The following TBC1D24 variants were observed in gnomAD, a reference collection of about 807,000 sequenced individuals.
The protein encoded by TBC1D24 is TBC1 domain family member 24.
TBC1D24 carries 47 observed loss-of-function variants against 50.7 expected under a neutral mutation model. The ratio of observed to expected loss-of-function variants is 0.93; its 90% CI spans 0.73 to 1.18. The LOEUF (loss-of-function observed/expected upper bound fraction) is 1.18, where lower values mean the gene tolerates loss of function less well. TBC1D24 is among the 50% of genes most tolerant of loss of function. The probability of loss-of-function intolerance (pLI) is 0.00; values close to 1 mark genes in which losing one functional copy is unlikely to be tolerated. For missense variants in TBC1D24, 688 were observed against 766.5 expected, an observed-to-expected ratio of 0.90 and a Z score of 1.21; for synonymous variants, 324 against 335.2, an observed-to-expected ratio of 0.97 and a Z score of 0.36.
At position 2,498,230 on chromosome 16, in the gene TBC1D24, C is replaced by T. The variant is rs1343443677; in HGVS notation, c.984-8C>T. 3.7e-6 allele frequency: 6 copies of T among 1,602,258 alleles called. No homozygotes were observed. The highest frequency in any genetic ancestry group is 4.3e-6 in the Non-Finnish European group (5 of 1,174,018). ...CTTCGGGCTCTGACCCCTGCTCGCT[C>T]CCCTCAGGCAGTTTGTACACTTGGC... is the stretch of plus-strand genomic sequence containing the variant. On this transcript the variant is annotated splice_region_variant and splice_polypyrimidine_tract_variant and intron_variant, in intron 3 of 7. Transcript: ENST00000646147.
chr16:2,489,468 G>A (rs1227647748), intron 1 of TBC1D24, among the ~76,000 whole-genome samples: 2 of 152,122 alleles, frequency 1.3e-5, no homozygotes, highest in Non-Finnish European at 2.9e-5. Context: ...AAATAAACGA[G>A]CGAACAAATG....
At chr16:2,491,622 T>G (rs1299761728) in intron 1 of TBC1D24, among the ~76,000 whole-genome samples, 1 of 151,724 alleles carries the variant, frequency 6.6e-6, no homozygotes, top group East Asian at 1.9e-4. Flanking sequence ...TGGCTCCATC[T>G]TGGCTCACTG....
chr16:2,493,814 A>G (rs895159176), intron 1 of TBC1D24: 7 of 151,896 alleles, frequency 4.6e-5, no homozygotes, highest in Admixed American at 4.6e-4. Flanking sequence ...CGTCTTACCC[A>G]CTCCTTTTAT....
intron 1 of TBC1D24, among the ~76,000 whole-genome samples, chr16:2,490,932 C>G (rs906811717): frequency 2.6e-5 from 4 of 152,028 alleles, no homozygotes; most frequent in African/African-American, 9.7e-5. Context: ...GGAGCAGGTG[C>G]GGCTTATGAT....
Position 2,499,120 on chromosome 16 carries a change from A to G in TBC1D24, c.1143-237A>G, listed in dbSNP as rs747900699. Among the ~76,000 whole-genome samples the G allele has an allele frequency of 3.3e-5, 5 of 152,026 alleles. No individual in the cohort carries two copies. Among genetic ancestry groups the G allele is most frequent in the Non-Finnish European group, 5.9e-5 (4 of 67,978 alleles). The stretch of plus-strand genomic sequence containing the variant: ...CCCAGCCCCTGGCGCTTGGCTCTGC[A>G]CTGGGGCCTTCCACTGCAAGGCCTC... On this transcript the variant is annotated intron_variant, in intron 4 of 7. Transcript: ENST00000646147. The surrounding 1 kb of genome is among the most constrained non-coding windows in gnomAD (Gnocchi z 4.0).
At position 2,500,632 on chromosome 16, in the gene TBC1D24, G is replaced by A. The variant is rs2065785163; in HGVS notation, c.1525+142G>A. Reference sequence around the variant, plus strand: ...GACCAGGCATGATGGGTGGGAGGGGGCTGGAAGGGAGAGACCAGCCTGGAC... The same window carrying A: ...GACCAGGCATGATGGGTGGGAGGGGACTGGAAGGGAGAGACCAGCCTGGAC... On this transcript the variant is annotated intron_variant, in intron 7 of 7. Transcript: ENST00000646147. The surrounding 1 kb of genome is among the most constrained non-coding windows in gnomAD (Gnocchi z 8.0). The A allele has an allele frequency of 1.6e-6, 2 of 1,288,448 alleles. No individual in the cohort carries two copies. The allele number at this position is 1,288,448 out of a possible 1,614,324, so 79.8% of individuals were successfully genotyped here.
intron 1 of TBC1D24, among the ~76,000 whole-genome samples, chr16:2,489,947 TGTGTCCGTGCTGCCCTCTGC>T (rs1196008526): frequency 6.6e-6 from 1 of 152,184 alleles, no homozygotes; most frequent in Non-Finnish European, 1.5e-5. Context: ...GGCTTGTGGG[TGTGTCCGTGCTGCCCTCTGC>T]GCCCTGTAGC....
At position 2,496,986 on chromosome 16, in the gene TBC1D24, G is replaced by A. The variant is rs867618745; in HGVS notation, c.838G>A (p.Val280Met). ...GTTCGTCAGAGACATCGCGAAGACG[G>A]TGTCCCCTGAGAAGCTGCTGGAGAA... is the stretch of plus-strand genomic sequence containing the variant. ...RTFVRDIAKT[V>M]SPEKLLEKAF... Residue 280 changes from valine to methionine, a missense_variant, in exon 2 of 8, where the codon GTG becomes ATG. Val to Met is a conservative substitution (Grantham distance 21, BLOSUM62 1). Coordinates refer to ENST00000646147, the MANE Select transcript of TBC1D24 (RefSeq NM_001199107.2). 4.3e-6 allele frequency: 7 copies of A among 1,613,966 alleles called. No individual in the cohort carries two copies. Among genetic ancestry groups the A allele is most frequent in the Middle Eastern group, 3.3e-4 (2 of 6,062 alleles).
rs753105655 is a variant in TBC1D24 at position 2,498,251 on chromosome 16, T to G, written c.997T>G (p.Leu333Val). ...VSLSKRQFVH[L>V]AVHAENFRSE... ...CGCTCCCCTCAGGCAGTTTGTACAC[T>G]TGGCCGTCCATGCAGAGAACTTCCG... Residue 333 changes from leucine to valine, a missense_variant, in exon 4 of 8, where the codon TTG (leucine) becomes GTG (valine). Coordinates refer to ENST00000646147, the MANE Select transcript of TBC1D24 (RefSeq NM_001199107.2). 24 of 1,609,588 alleles carry G rather than the reference T, an allele frequency of 1.5e-5. No homozygotes were observed. The highest frequency in any genetic ancestry group is 2.2e-5 in the East Asian group (1 of 44,770).
rs1272218318 is a variant in TBC1D24 at position 2,503,298 on chromosome 16, G to C, written c.*2340G>C. On this transcript the variant is annotated 3_prime_UTR_variant, in exon 8 of 8. Transcript: ENST00000646147. ...CCTAACTTTTCTACTAACCTAGAAG[G>C]TATGTGTGATTATTATCTTTTTTAT... 1 of 152,076 alleles carries C rather than the reference G, an allele frequency of 6.6e-6. No homozygotes were observed. The highest frequency in any genetic ancestry group is 1.5e-5 in the Non-Finnish European group (1 of 68,016). 9.4% of individuals were successfully genotyped at this position (152,076 alleles called of 1,614,324 possible). A position where few individuals can be genotyped will look rare whatever the true frequency, so the allele number is the denominator to read the frequency against.
Position 2,501,298 on chromosome 16 carries a change from T to C in TBC1D24, c.*340T>C, listed in dbSNP as rs2065792147. 1 of 354,542 alleles carries C rather than the reference T, an allele frequency of 2.8e-6. No homozygotes were observed. The highest frequency in any genetic ancestry group is 2.1e-5 in the African/African-American group (1 of 48,022). 22.0% of individuals were successfully genotyped at this position (354,542 alleles called of 1,614,324 possible). A position where few individuals can be genotyped will look rare whatever the true frequency, so the allele number is the denominator to read the frequency against. On this transcript the variant is annotated 3_prime_UTR_variant, in exon 8 of 8. Transcript: ENST00000646147. ...GGGTCTTGCTGCCCCTGAGCCTCTC[T>C]AGGCAGCCTGAGCCCCTGGGGTGGG...
intron 3 of TBC1D24, among the ~76,000 whole-genome samples, chr16:2,497,993 A>G (rs2065758154): frequency 1.3e-5 from 2 of 152,190 alleles, no homozygotes; most frequent in Admixed American, 1.3e-4. Flanking sequence ...CTGATTTCTT[A>G]GAGAAAAGTT....
chr16:2,481,338 G>A (rs1473950151), intron 1 of TBC1D24: 2 of 152,258 alleles, frequency 1.3e-5, no homozygotes, highest in East Asian at 3.8e-4. Context: ...GAGGCCAGGA[G>A]TTTGAGACCA....
rs764467778 is a variant in TBC1D24 at position 2,498,259 on chromosome 16, C to T, written c.1005C>T (p.Val335=). The part of the protein sequence containing the change: ...LSKRQFVHLA[V]HAENFRSEIV... ...TCAGGCAGTTTGTACACTTGGCCGT[C>T]CATGCAGAGAACTTCCGCTCGGAGA... The change falls in exon 4 of 8, where the codon GTC becomes GTT. Residue 335 remains valine (V), a synonymous_variant. Coordinates refer to ENST00000646147, the MANE Select transcript of TBC1D24 (RefSeq NM_001199107.2). The T allele has an allele frequency of 1.2e-6, 2 of 1,610,870 alleles. No individual in the cohort carries two copies. The highest frequency in any genetic ancestry group is 1.3e-5 in the African/African-American group (1 of 74,856).
chr16:2,481,565 C>T (rs554597808), intron 1 of TBC1D24: 10 of 152,398 alleles, frequency 6.6e-5, no homozygotes, highest in African/African-American at 2.2e-4. Context: ...CAGCTGAGCT[C>T]TCTTCCTCTG....
rs574450745 is a variant in TBC1D24 at position 2,475,298 on chromosome 16, C to T, written c.-116+128C>T. The T allele has an allele frequency of 3.3e-5, 5 of 150,292 alleles. No individual in the cohort carries two copies. Among genetic ancestry groups the T allele is most frequent in the African/African-American group, 1.2e-4 (5 of 41,144 alleles). 9.3% of individuals were successfully genotyped at this position (150,292 alleles called of 1,614,324 possible). A position where few individuals can be genotyped will look rare whatever the true frequency, so the allele number is the denominator to read the frequency against. ...TGGGGGCCGGGCTGCGGGCCCCATT[C>T]GAGGCGGGGATCCCCGGCCACGCGC... is the stretch of plus-strand genomic sequence containing the variant. On this transcript the variant is annotated intron_variant, in intron 1 of 7. Transcript: ENST00000646147. The surrounding 1 kb of genome is among the most constrained non-coding windows in gnomAD (Gnocchi z 4.2).
In TBC1D24 at chr16:2,498,345, G is replaced by T; in HGVS notation, c.1091G>T (p.Cys364Phe). The T allele has an allele frequency of 6.2e-7, 1 of 1,610,142 alleles. No individual in the cohort carries two copies. The highest frequency in any genetic ancestry group is 2.2e-5 in the East Asian group (1 of 44,802). Residue 364 changes from cysteine to phenylalanine, a missense_variant, in exon 4 of 8, where the codon TGC (cysteine) becomes TTC (phenylalanine). Coordinates refer to ENST00000646147, the MANE Select transcript of TBC1D24 (RefSeq NM_001199107.2). ...WSWVPERFAL[C>F]QPLLLFSSLQ... ...TGGGTCCCCGAGCGCTTTGCCCTGT[G>T]CCAGCCCCTTCTGCTGTTCTCCTCC...
intron 3 of TBC1D24, 42 bp from the exon 4 acceptor site, chr16:2,498,196 C>T (rs1375657326): frequency 6.4e-7 from 1 of 1,559,908 alleles, no homozygotes. Flanking sequence ...GGCCTGGCCC[C>T]AGACGTGCCT....
intron 1 of TBC1D24, among the ~76,000 whole-genome samples, chr16:2,495,213 G>A (rs2065727380): frequency 6.6e-6 from 1 of 152,080 alleles, no homozygotes; most frequent in Non-Finnish European, 1.5e-5. Flanking sequence ...AATTAGCTGG[G>A]CGTGGTGGCG....
Sources: allele counts gnomAD v4.1 joint callset (sites outside exome capture counted in the v4.1 genomes callset), GRCh38; gene constraint gnomAD v4.1.1; non-coding constraint Gnocchi (gnomAD v3.1); transcripts MANE v1.5; gene names NCBI Gene and HGNC (gene_info 2026-07-23, HGNC 2026-07-21).